The following DLGAP2 variants were observed in gnomAD, a reference collection of about 807,000 sequenced individuals.
DLGAP2 encodes the protein DLG associated protein 2.
A neutral mutation model predicts 100.3 loss-of-function variants in DLGAP2; 26 were observed. That is an observed-to-expected ratio of 0.26 (90% CI 0.19 to 0.36). DLGAP2 has a LOEUF of 0.36. Among genes scored for constraint, DLGAP2 ranks in the 10% least tolerant of loss-of-function variants. The pLI is 1.00. For missense variants in DLGAP2, 1,858 were observed against 1,453.2 expected, an observed-to-expected ratio of 1.28 and a Z score of -4.53; for synonymous variants, 886 against 630.1, an observed-to-expected ratio of 1.41 and a Z score of -6.08.
intron 1 of DLGAP2, among the ~76,000 whole-genome samples, chr8:888,586 G>A (rs1244345060): frequency 2.0e-5 from 3 of 149,882 alleles, no homozygotes; most frequent in East Asian, 3.9e-4. Context: ...TGTTGTTTAT[G>A]CTGTTGTCAC....
intron 2 of DLGAP2, among the ~76,000 whole-genome samples, chr8:954,134 G>T (rs539341410): frequency 7.2e-5 from 11 of 152,248 alleles, no homozygotes; most frequent in African/African-American, 2.4e-4. Flanking sequence ...GGAAAAGGTT[G>T]TCCACACTGC....
Position 825,137 on chromosome 8 carries a change from A to G in DLGAP2, c.19-82775A>G, listed in dbSNP as rs115298968. On this transcript the variant is annotated intron_variant, in intron 1 of 14. Coordinates refer to ENST00000637795, the MANE Select transcript of DLGAP2 (RefSeq NM_001346810.2). Reference sequence around the variant, plus strand: ...AGAGGAGGGCTCTTCCTCTGCCCTCACTGTCCCCAAAATGACCCCACAGAA... The same window carrying G: ...AGAGGAGGGCTCTTCCTCTGCCCTCGCTGTCCCCAAAATGACCCCACAGAA... Among the ~76,000 whole-genome samples the G allele has an allele frequency of 3.6e-3, 551 of 152,196 alleles. 4 individuals are homozygous for G. Among genetic ancestry groups the G allele is most frequent in the African/African-American group, 0.013 (532 of 41,530 alleles).
intron 2 of DLGAP2, among the ~76,000 whole-genome samples, chr8:990,121 C>A (rs1194348608): frequency 6.6e-6 from 1 of 152,038 alleles, no homozygotes; most frequent in East Asian, 1.9e-4. Context: ...GTGTTACCTC[C>A]TTTCTATCAG....
At chr8:1,537,728 TGGAAGGAAGGAAGGAAGGAA>T (rs10523091) in intron 4 of DLGAP2, among the ~76,000 whole-genome samples, 1,967 of 136,656 alleles carry the variant, frequency 0.014, 40 homozygotes, top group African/African-American at 0.044. Flanking sequence ...GATGAAAGGA[TGGAAGGAAGGAAGGAAGGAA>T]GGAAGGAAGG....
intron 3 of DLGAP2, among the ~76,000 whole-genome samples, chr8:1,383,425 G>C (rs930331555): frequency 6.6e-5 from 10 of 152,348 alleles, no homozygotes; most frequent in African/African-American, 2.2e-4. Flanking sequence ...CAGAGATTCT[G>C]TCAAATGGTA....
At chr8:1,602,633 C>T (rs1384195692) in intron 6 of DLGAP2, among the ~76,000 whole-genome samples, 1 of 152,230 alleles carries the variant, frequency 6.6e-6, no homozygotes, top group Non-Finnish European at 1.5e-5. Context: ...GGCTGACCCT[C>T]TACCAGCTCA....
At chr8:1,076,568 C>G (rs916850336) in intron 2 of DLGAP2, among the ~76,000 whole-genome samples, 4 of 152,258 alleles carry the variant, frequency 2.6e-5, no homozygotes, top group Non-Finnish European at 1.5e-5. Context: ...GGCTCAGCCC[C>G]TCTCTTGAGC....
intron 1 of DLGAP2, among the ~76,000 whole-genome samples, chr8:858,310 G>A (rs532498595): frequency 5.3e-5 from 8 of 152,256 alleles, no homozygotes; most frequent in South Asian, 2.1e-4. Context: ...ACGTGACTAC[G>A]TGAAAGAAGC....
chr8:1,049,538 G>A (rs991823698), intron 2 of DLGAP2, among the ~76,000 whole-genome samples: 2 of 152,060 alleles, frequency 1.3e-5, no homozygotes, highest in African/African-American at 4.8e-5. Context: ...GATAAATATT[G>A]TTTATGTTAT....
chr8:943,286 G>T (rs1381033298), intron 2 of DLGAP2, among the ~76,000 whole-genome samples: 1 of 149,170 alleles, frequency 6.7e-6, no homozygotes, highest in Non-Finnish European at 1.5e-5. Context: ...TTTCTGCACA[G>T]CGTGTCATCA....
chr8:1,291,090 T>G (rs1178508891), intron 3 of DLGAP2, among the ~76,000 whole-genome samples: 1 of 152,172 alleles, frequency 6.6e-6, no homozygotes, highest in African/African-American at 2.4e-5. Flanking sequence ...TCACAGGGCC[T>G]ATAAAATAAT....
chr8:834,861 G>C (rs1401891087), intron 1 of DLGAP2, among the ~76,000 whole-genome samples: 8 of 152,110 alleles, frequency 5.3e-5, no homozygotes, highest in Non-Finnish European at 1.0e-4. Flanking sequence ...CTACAATAAA[G>C]GTTGAAATCG....
chr8:838,285 A>G (rs1796919690), intron 1 of DLGAP2, among the ~76,000 whole-genome samples: 2 of 152,158 alleles, frequency 1.3e-5, no homozygotes, highest in Admixed American at 6.5e-5. Flanking sequence ...TAACGACTTC[A>G]TTGTGTTTAG....
rs1797683635 is a variant in DLGAP2, at chr8:1,632,884, G to C, written c.1648G>C (p.Glu550Gln). Residue 550 changes from glutamate (E) to glutamine (Q), a missense_variant, in exon 8 of 15, where the codon GAA becomes CAA. Physicochemically the swap from Glu to Gln is conservative, Grantham distance 29. Coordinates refer to ENST00000637795, the MANE Select transcript of DLGAP2 (RefSeq NM_001346810.2). ...FESVCESVFS[E>Q]VESQAMDALD... is the part of the protein sequence containing the mutation. ...GTCCGTGTGCGAGTCCGTCTTCAGT[G>C]AAGTTGAATCTCAGGCCATGGATGC... 3 of 1,613,828 alleles carry C rather than the reference G, an allele frequency of 1.9e-6. No homozygotes were observed. The highest frequency in any genetic ancestry group is 2.5e-6 in the Non-Finnish European group (3 of 1,179,866).
chr8:877,839 C>T (rs183960002), intron 1 of DLGAP2, among the ~76,000 whole-genome samples: 4 of 152,300 alleles, frequency 2.6e-5, no homozygotes, highest in East Asian at 1.9e-4. Context: ...TGAATGCTAG[C>T]GATGGCCCAT....
At chr8:919,682 G>C (rs1215148548) in intron 2 of DLGAP2, among the ~76,000 whole-genome samples, 1 of 152,170 alleles carries the variant, frequency 6.6e-6, no homozygotes, top group Non-Finnish European at 1.5e-5. Flanking sequence ...GGAGGAAACT[G>C]CACCAGGGAA....
At position 1,414,705 on chromosome 8, in the gene DLGAP2, C is replaced by G. The variant is rs111416769; in HGVS notation, c.107-86661C>G. Among the ~76,000 whole-genome samples the G allele has an allele frequency of 5.7e-3, 863 of 152,324 alleles. 8 individuals are homozygous for G. The highest frequency in any genetic ancestry group is 0.019 in the African/African-American group (803 of 41,574). On this transcript the variant is annotated intron_variant, in intron 3 of 14. Transcript: ENST00000637795. ...TCTTGCCTTTACAAGCATGGAACCT[C>G]CTGTTAAATAATCAGGTGTCTGGCT... is the stretch of plus-strand genomic sequence containing the variant.
At chr8:1,585,274 C>T (rs1796081083) in intron 6 of DLGAP2, among the ~76,000 whole-genome samples, 1 of 152,072 alleles carries the variant, frequency 6.6e-6, no homozygotes, top group Non-Finnish European at 1.5e-5. Context: ...ACCAGCCTGG[C>T]CAAGATGGCA....
At chr8:879,874 A>G (rs1050281041) in intron 1 of DLGAP2, among the ~76,000 whole-genome samples, 4 of 152,144 alleles carry the variant, frequency 2.6e-5, no homozygotes, top group East Asian at 1.9e-4. Flanking sequence ...TGTCTTCTCC[A>G]TGTCATTGTC....
Sources: allele counts gnomAD v4.1 joint callset (sites outside exome capture counted in the v4.1 genomes callset), GRCh38; gene constraint gnomAD v4.1.1; transcripts MANE v1.5; gene names NCBI Gene and HGNC (gene_info 2026-07-23, HGNC 2026-07-21).